ANGPT1: variants seen among roughly 807,000 people sequenced by gnomAD.
The protein encoded by ANGPT1 is angiopoietin 1, also known as angiopoietin-1.
In ANGPT1, 17 loss-of-function variants were observed where a neutral mutation model predicts 62.2. The ratio of observed to expected loss-of-function variants is 0.27; its 90% CI spans 0.19 to 0.41. The LOEUF is 0.41. ANGPT1 is among the 10% of genes least tolerant of loss of function. The pLI, the probability that ANGPT1 is intolerant of heterozygous loss-of-function variation, is 1.00. For synonymous variants in ANGPT1, 199 were observed against 198.9 expected, an observed-to-expected ratio of 1.00 and a Z score of 0.00; for missense variants, 478 against 594.9, an observed-to-expected ratio of 0.80 and a Z score of 2.04.
At chr8:107,303,166 C>T in intron 5 of ANGPT1, 74 bp downstream of exon 5, 2 of 1,535,076 alleles carry the variant, frequency 1.3e-6, no homozygotes, top group Non-Finnish European at 8.9e-7. Flanking sequence ...AACAAGCTCA[C>T]AAATCAATCT....
intron 5 of ANGPT1, among the ~76,000 whole-genome samples, chr8:107,295,702 C>T (rs1814396345): frequency 1.3e-5 from 2 of 152,102 alleles, no homozygotes; most frequent in African/African-American, 4.8e-5. Context: ...AGAAAATGAT[C>T]GTAGTTTTGG....
intron 5 of ANGPT1, among the ~76,000 whole-genome samples, chr8:107,300,099 C>T (rs1296462512): frequency 7.2e-6 from 1 of 138,186 alleles, no homozygotes; most frequent in Non-Finnish European, 1.6e-5. Context: ...CTATATATAT[C>T]TCTATATATC....
chr8:107,287,387 T>C (rs1814167698), intron 6 of ANGPT1, among the ~76,000 whole-genome samples: 1 of 152,210 alleles, frequency 6.6e-6, no homozygotes, highest in Non-Finnish European at 1.5e-5. Flanking sequence ...TGCATTTTTG[T>C]CTTTCAGGAA....
At chr8:107,334,122 T>C (rs1161159971) in intron 3 of ANGPT1, among the ~76,000 whole-genome samples, 1 of 151,940 alleles carries the variant, frequency 6.6e-6, no homozygotes, top group Non-Finnish European at 1.5e-5. Context: ...GGCATTTGTT[T>C]TGCAGTTAGG....
intron 8 of ANGPT1, among the ~76,000 whole-genome samples, chr8:107,263,829 T>C (rs1235066528): frequency 6.6e-6 from 1 of 152,192 alleles, no homozygotes; most frequent in Non-Finnish European, 1.5e-5. Flanking sequence ...TTCAACAAAA[T>C]GATCAATTAA....
chr8:107,392,504 C>T (rs945797168), intron 1 of ANGPT1, among the ~76,000 whole-genome samples: 8 of 152,044 alleles, frequency 5.3e-5, no homozygotes, highest in Admixed American at 3.9e-4. Context: ...TCATGATGTT[C>T]TTGCCATTTG....
At chr8:107,412,060 C>T (rs1240241200) in intron 1 of ANGPT1, among the ~76,000 whole-genome samples, 2 of 152,030 alleles carry the variant, frequency 1.3e-5, no homozygotes, top group Non-Finnish European at 2.9e-5. Flanking sequence ...ATCATCTTGG[C>T]CTTGACTCAC....
intron 1 of ANGPT1, among the ~76,000 whole-genome samples, chr8:107,356,452 G>T (rs1563584058): frequency 6.6e-6 from 1 of 152,106 alleles, no homozygotes; most frequent in Non-Finnish European, 1.5e-5. Flanking sequence ...ATAAAGAAAG[G>T]AACAAATCCT....
chr8:107,309,621 G>T (rs557132882), intron 4 of ANGPT1, among the ~76,000 whole-genome samples: 59 of 152,278 alleles, frequency 3.9e-4, no homozygotes, highest in African/African-American at 1.3e-3. Context: ...GTATAGGGGT[G>T]AGGGATATTT....
chr8:107,497,531 G>A lies in ANGPT1; in HGVS notation c.28C>T (p.Leu10Phe), dbSNP rs748768125. 6 of 1,613,848 alleles carry A rather than the reference G, an allele frequency of 3.7e-6. No individual in the cohort carries two copies. The highest frequency in any genetic ancestry group is 2.2e-5 in the South Asian group (2 of 91,076). Residue 10 changes from leucine to phenylalanine, a missense_variant, in exon 1 of 9, where the codon CTC becomes TTC. Leu to Phe is a conservative substitution (Grantham distance 22). Around this residue, in one of 4 missense-constraint regions of ANGPT1, gnomAD observed 343 missense variants for 355.4 expected, o/e 0.97. Coordinates refer to ENST00000517746, the MANE Select transcript of ANGPT1 (RefSeq NM_001146.5). ...CCTATGTGAGTCAGAATGGCAGCGA[G>A]GAAAGCAAAGGAAAGGAAAACTGTC... MTVFLSFAF[L>F]AAILTHIGCS...
intron 1 of ANGPT1, among the ~76,000 whole-genome samples, chr8:107,403,482 G>A (rs189981794): frequency 2.7e-4 from 41 of 152,170 alleles, no homozygotes; most frequent in African/African-American, 7.5e-4. Context: ...AAATTTTGGT[G>A]TCTAAAAATG....
At chr8:107,387,787 G>GT (rs139070016) in intron 1 of ANGPT1, among the ~76,000 whole-genome samples, 9 of 150,996 alleles carry the variant, frequency 6.0e-5, no homozygotes, top group Admixed American at 1.3e-4. Flanking sequence ...CTCTACCTAG[G>GT]TTTTTTTTTA....
At chr8:107,323,232 A>C (rs2130068795) in intron 3 of ANGPT1, among the ~76,000 whole-genome samples, 1 of 152,272 alleles carries the variant, frequency 6.6e-6, no homozygotes, top group African/African-American at 2.4e-5. Flanking sequence ...AAAAAGCATT[A>C]ACATTTTATG....
chr8:107,294,024 A>G lies in ANGPT1; in HGVS notation c.950T>C (p.Met317Thr), dbSNP rs979852229. 1.2e-6 allele frequency: 2 copies of G among 1,611,520 alleles called. No homozygotes were observed. Among genetic ancestry groups the G allele is most frequent in the Admixed American group, 3.4e-5 (2 of 59,546 alleles). The change falls in exon 6 of 9, where the codon ATG (methionine) becomes ACG (threonine). Residue 317 changes from methionine (M) to threonine (T), a missense_variant. By Grantham distance (81) the Met-to-Thr change is moderately conservative (BLOSUM62 -1). This residue lies in a region of ANGPT1 where 81 missense variants were observed against 117.1 expected (regional missense o/e 0.69). Coordinates refer to ENST00000517746, the MANE Select transcript of ANGPT1 (RefSeq NM_001146.5). Reference protein sequence around the residue: ...MPEPKKVFCNMDVNGGGWTVI... With the variant: ...MPEPKKVFCNTDVNGGGWTVI... The stretch of plus-strand genomic sequence containing the variant: ...AGTCCAACCTCCCCCATTGACATCC[A>G]TATTGCAAAACACCTGACAAATGGA...
chr8:107,427,333 T>A (rs1811066405), intron 1 of ANGPT1, among the ~76,000 whole-genome samples: 1 of 152,178 alleles, frequency 6.6e-6, no homozygotes, highest in South Asian at 2.1e-4. Flanking sequence ...CTATCAGACA[T>A]CCTGCCCTGT....
At chr8:107,258,256 T>G (rs1458005657) in intron 8 of ANGPT1, among the ~76,000 whole-genome samples, 1 of 152,120 alleles carries the variant, frequency 6.6e-6, no homozygotes, top group East Asian at 1.9e-4. Flanking sequence ...GTTGAGTACC[T>G]GCATTTAAAT....
chr8:107,261,832 G>A (rs1813499298), intron 8 of ANGPT1, among the ~76,000 whole-genome samples: 1 of 152,122 alleles, frequency 6.6e-6, no homozygotes, highest in South Asian at 2.1e-4. Flanking sequence ...GGCATGGATG[G>A]GGTCAATGGG....
chr8:107,318,002 C>T (rs567369829), intron 4 of ANGPT1, among the ~76,000 whole-genome samples: 2 of 152,216 alleles, frequency 1.3e-5, no homozygotes, highest in African/African-American at 4.8e-5. Flanking sequence ...TGTTTGTATG[C>T]CTTATTAATG....
intron 1 of ANGPT1, among the ~76,000 whole-genome samples, chr8:107,371,954 C>G (rs190285248): frequency 3.9e-5 from 6 of 151,988 alleles, no homozygotes; most frequent in Non-Finnish European, 7.4e-5. Flanking sequence ...TCTCAGGGAG[C>G]CTTATAAGCT....
Sources: gnomAD v4.1 joint callset for allele counts (sites outside exome capture counted in the v4.1 genomes callset) on GRCh38, gnomAD v4.1.1 for gene constraint, gnomAD v4.1.1 regional missense constraint, MANE v1.5 for transcripts, NCBI Gene and HGNC (gene_info 2026-07-23, HGNC 2026-07-21) for gene names.